DNAH12: variants seen among roughly 807,000 people sequenced by gnomAD.
The protein encoded by DNAH12 is axonemal beta dynein heavy chain 12.
DNAH12 carries 285 observed loss-of-function variants against 371.5 expected under a neutral mutation model. The ratio of observed to expected loss-of-function variants is 0.77; its 90% CI spans 0.70 to 0.85. The LOEUF (loss-of-function observed/expected upper bound fraction) is 0.85. Ranked by LOEUF, DNAH12 falls within the 40% of genes least tolerant of loss-of-function variation. The pLI is 0.00. For missense variants in DNAH12, 3,611 were observed against 3,689.4 expected (o/e 0.98, Z 0.55); for synonymous variants, 1,200 against 1,213.0 (o/e 0.99, Z 0.22).
chr3:57,503,794 C>G (rs530582782), intron 9 of DNAH12, among the ~76,000 whole-genome samples: 3 of 151,944 alleles, frequency 2.0e-5, no homozygotes, highest in African/African-American at 7.3e-5. Context: ...ATGAGACATG[C>G]AAATAAAAAA....
chr3:57,302,553 A>ATGG lies in DNAH12; in HGVS notation c.11190-615_11190-614insCCA, dbSNP rs1559535314. Among the ~76,000 whole-genome samples the ATGG allele has an allele frequency of 2.7e-4, 23 of 86,378 alleles. 1 individual carries two copies. The highest frequency in any genetic ancestry group is 9.2e-4 in the African/African-American group (22 of 24,008). 56.7% of individuals were successfully genotyped at this position (86,378 alleles called of 152,430 possible). The stretch of plus-strand genomic sequence containing the variant: ...TGTATATATATATATATATATATAT[A>ATGG]TATATATATATGTATTTTTTTTTTT... On this transcript the variant is annotated intron_variant, in intron 69 of 73. Transcript: ENST00000495027.
chr3:57,498,551 A>G (rs772402031), intron 11 of DNAH12: 9 of 717,138 alleles, frequency 1.3e-5, no homozygotes, highest in South Asian at 1.2e-4. Context: ...AGAAAGAGAA[A>G]TGAAAGCATA....
rs1372181380 is a variant in DNAH12, at chr3:57,382,306, T to C, written c.7948A>G (p.Ile2650Val). The C allele has an allele frequency of 6.6e-6, 1 of 152,208 alleles. No homozygotes were observed. The highest frequency in any genetic ancestry group is 1.5e-5 in the Non-Finnish European group (1 of 68,036). 9.4% of individuals were successfully genotyped at this position (152,208 alleles called of 1,614,324 possible). ...VMAAVCVMKD[I>V]KPEKISDPSG... ...GGATCTGAAATTTTTTCTGGTTTTA[T>C]ATCTTTCATGACACAAACAGCAGCC... Residue 2650 changes from isoleucine to valine, a missense_variant, in exon 50 of 74, where the codon ATA (isoleucine) becomes GTA (valine). By Grantham distance (29) the Ile-to-Val change is conservative. This residue lies in a region of DNAH12 where 2,266 missense variants were observed against 2,236.9 expected (regional missense o/e 1.01). Coordinates refer to ENST00000495027, the MANE Select transcript of DNAH12 (RefSeq NM_001366028.2).
At chr3:57,386,847 C>A (rs1053093384) in intron 46 of DNAH12, among the ~76,000 whole-genome samples, 9 of 152,072 alleles carry the variant, frequency 5.9e-5, no homozygotes, top group African/African-American at 2.2e-4. Context: ...TTTTAAAAAA[C>A]CACAAATCAA....
intron 8 of DNAH12, among the ~76,000 whole-genome samples, chr3:57,505,521 A>G (rs1187119841): frequency 6.6e-6 from 1 of 150,828 alleles, no homozygotes; most frequent in African/African-American, 2.4e-5. Flanking sequence ...ACTCACTGCA[A>G]CCTCTGTCTC....
intron 25 of DNAH12, among the ~76,000 whole-genome samples, chr3:57,448,490 A>G (rs920527070): frequency 6.6e-6 from 1 of 152,276 alleles, no homozygotes; most frequent in East Asian, 1.9e-4. Flanking sequence ...CGCTGGCTTC[A>G]GGAGTGAAGC....
In DNAH12 at chr3:57,309,243, AT is replaced by A; in HGVS notation, c.11096del (p.Asp3699ValfsTer13). ...TKDILNKLPS[D>X]FDIEMALRKY... ...TCCGTAGTGCCATTTCAATGTCGAA[AT>A]CACTAGGGAGCTAAAAGAATAGATT... On this transcript the variant is annotated frameshift_variant, in exon 69 of 74. Transcript: ENST00000495027. LOFTEE classifies it high-confidence loss of function. 1 of 1,547,026 alleles carries A rather than the reference AT, an allele frequency of 6.5e-7. No individual in the cohort carries two copies. Among genetic ancestry groups the A allele is most frequent in the East Asian group, 2.4e-5 (1 of 40,858 alleles).
intron 4 of DNAH12, among the ~76,000 whole-genome samples, chr3:57,521,201 AT>A (rs1378383392): frequency 2.0e-5 from 3 of 150,538 alleles, no homozygotes; most frequent in East Asian, 2.0e-4. Flanking sequence ...CTTTTTCTAA[AT>A]TTTTTTATAG....
intron 28 of DNAH12, 67 bp downstream of exon 28, chr3:57,445,107 G>A: frequency 6.9e-7 from 1 of 1,451,208 alleles, no homozygotes; most frequent in Non-Finnish European, 9.1e-7. Flanking sequence ...TGTAGTTCCT[G>A]ATTAACCTCA....
At chr3:57,408,258 T>C in intron 40 of DNAH12, 22 bp downstream of exon 40, 4 of 1,499,350 alleles carry the variant, frequency 2.7e-6, no homozygotes, top group Non-Finnish European at 3.6e-6. Flanking sequence ...ACTAAAACAT[T>C]TACATTGCAT....
chr3:57,418,728 C>G (rs1032645407), intron 37 of DNAH12, among the ~76,000 whole-genome samples: 5 of 151,868 alleles, frequency 3.3e-5, no homozygotes, highest in African/African-American at 1.2e-4. Context: ...AGAATGCATT[C>G]AGGAACAGCT....
chr3:57,377,151 A>AT lies in DNAH12; in HGVS notation c.8294dup (p.Asn2765LysfsTer23), dbSNP rs1163385152. Reference sequence around the variant, plus strand: ...CTTCTGCCAGTTCTGCTCTCTTCTGATTCAAAAGCTCCATTGTCTCAGCTA... The same window carrying AT: ...CTTCTGCCAGTTCTGCTCTCTTCTGATTTCAAAAGCTCCATTGTCTCAGCTA... On this transcript the variant is annotated frameshift_variant, in exon 53 of 74. Coordinates refer to ENST00000495027, the MANE Select transcript of DNAH12 (RefSeq NM_001366028.2). LOFTEE classifies it high-confidence loss of function. 1 of 152,142 alleles carries AT rather than the reference A, an allele frequency of 6.6e-6. No homozygotes were observed. Among genetic ancestry groups the AT allele is most frequent in the Non-Finnish European group, 1.5e-5 (1 of 68,034 alleles). 9.4% of individuals were successfully genotyped at this position (152,142 alleles called of 1,614,324 possible). A position where few individuals can be genotyped will look rare whatever the true frequency, so the allele number is the denominator to read the frequency against.
Position 57,354,551 on chromosome 3 carries a change from A to AAAG in DNAH12, c.9534-2327_9534-2326insCTT, listed in dbSNP as rs1553662046. Among the ~76,000 whole-genome samples, 760 of 139,526 alleles carry AAAG rather than the reference A, an allele frequency of 5.4e-3. 11 individuals carry two copies. The highest frequency in any genetic ancestry group is 0.019 in the African/African-American group (735 of 38,226). The allele number at this position is 139,526 out of a possible 152,430, so 91.5% of individuals were successfully genotyped here. ...TGTCTTGTTTGCTAAAAAAAAAAAG[A>AAAG]AAAAAAAAAAGAAAAAAAATCTAAA... is the stretch of plus-strand genomic sequence containing the variant. On this transcript the variant is annotated intron_variant, in intron 59 of 73. Coordinates refer to ENST00000495027, the MANE Select transcript of DNAH12 (RefSeq NM_001366028.2).
intron 37 of DNAH12, 137 bp downstream of exon 37, chr3:57,419,230 C>A: frequency 1.2e-6 from 1 of 858,438 alleles, no homozygotes; most frequent in South Asian, 2.3e-5. Context: ...ACAGATGTCA[C>A]TTTCAACATG....
intron 55 of DNAH12, among the ~76,000 whole-genome samples, chr3:57,371,458 G>A (rs1032547155): frequency 6.6e-6 from 1 of 151,808 alleles, no homozygotes; most frequent in Non-Finnish European, 1.5e-5. Context: ...AAAAATCACC[G>A]AATTGTACAA....
chr3:57,373,443 G>T (rs1043778964), intron 55 of DNAH12, among the ~76,000 whole-genome samples: 1 of 150,744 alleles, frequency 6.6e-6, no homozygotes, highest in African/African-American at 2.4e-5. Context: ...AGCCTCCTGC[G>T]TAGCTGGATT....
At chr3:57,436,913 A>T in intron 30 of DNAH12, 38 bp downstream of exon 30, 1 of 1,274,846 alleles carries the variant, frequency 7.8e-7, no homozygotes, top group Non-Finnish European at 1.1e-6. Flanking sequence ...CAGCTTAATT[A>T]AGAAATAACA....
chr3:57,316,375 C>G (rs1466621212), intron 65 of DNAH12, among the ~76,000 whole-genome samples: 1 of 152,148 alleles, frequency 6.6e-6, no homozygotes. Flanking sequence ...AAAATGAGGT[C>G]CTTATTGCTC....
At chr3:57,462,553 G>A in intron 18 of DNAH12, 137 bp downstream of exon 18, 2 of 1,008,320 alleles carry the variant, frequency 2.0e-6, no homozygotes, top group Non-Finnish European at 2.8e-6. Flanking sequence ...CACCCAGCCG[G>A]AGAGTGGTCT....
Sources: allele counts gnomAD v4.1 joint callset (sites outside exome capture counted in the v4.1 genomes callset), GRCh38; gene constraint gnomAD v4.1.1; regional missense constraint gnomAD v4.1.1; transcripts MANE v1.5; gene names NCBI Gene and HGNC (gene_info 2026-07-23, HGNC 2026-07-21).